The following ITPRID1 variants were observed in gnomAD, a reference collection of about 807,000 sequenced individuals.
The protein encoded by ITPRID1 is protein ITPRID1.
A neutral mutation model predicts 95.4 loss-of-function variants in ITPRID1; 96 were observed. The ratio of observed to expected loss-of-function variants is 1.01; its 90% CI spans 0.85 to 1.19. ITPRID1 has a LOEUF of 1.19. Ranked by LOEUF, ITPRID1 falls within the 50% of genes most tolerant of loss-of-function variation. ITPRID1 has a pLI of 0.00. For synonymous variants in ITPRID1, 510 were observed against 453.6 expected (o/e 1.12, Z -1.58); for missense variants, 1,339 against 1,252.9 (o/e 1.07, Z -1.04).
intron 10 of ITPRID1, among the ~76,000 whole-genome samples, chr7:31,621,660 A>G (rs1164601769): frequency 6.7e-6 from 1 of 148,394 alleles, no homozygotes; most frequent in Non-Finnish European, 1.5e-5. Context: ...TCATGCCAAA[A>G]TGTAAAGACC....
chr7:31,567,323 G>A (rs200032170), intron 5 of ITPRID1, among the ~76,000 whole-genome samples: 1 of 152,060 alleles, frequency 6.6e-6, no homozygotes, highest in African/African-American at 2.4e-5. Context: ...AAGTTTATAT[G>A]TACCCCATCT....
rs1243390739 is a variant in ITPRID1 at position 31,647,655 on chromosome 7, CAG to C, written c.2584-3480_2584-3479del. On this transcript the variant is annotated intron_variant, in intron 12 of 14. Coordinates refer to ENST00000615280, the MANE Select transcript of ITPRID1 (RefSeq NM_001257967.3). ...TGCCACTGCACTCCAGCCTGAGCAA[CAG>C]AGAGAGTCTCCGTCTCAAAAAAAAA... 4.2e-4 allele frequency among the ~76,000 whole-genome samples: 49 copies of C among 115,726 alleles called. 2 individuals are homozygous for C. Among genetic ancestry groups the C allele is most frequent in the African/African-American group, 1.6e-3 (45 of 27,676 alleles). The allele number at this position is 115,726 out of a possible 152,430, so 75.9% of individuals were successfully genotyped here.
At chr7:31,624,060 A>G (rs1202318403) in intron 10 of ITPRID1, among the ~76,000 whole-genome samples, 8 of 151,092 alleles carry the variant, frequency 5.3e-5, no homozygotes, top group Non-Finnish European at 8.8e-5. Flanking sequence ...AATCCACCTT[A>G]CAAGGGATGT....
At chr7:31,569,708 C>T (rs746466258) in intron 5 of ITPRID1, 50 bp from the exon 6 acceptor site, 64 of 1,509,210 alleles carry the variant, frequency 4.2e-5, no homozygotes, top group East Asian at 1.7e-4. Context: ...GAAAATCTTC[C>T]GCAAGATAAA....
At chr7:31,560,099 G>T (rs1784576366) in intron 5 of ITPRID1, among the ~76,000 whole-genome samples, 2 of 152,192 alleles carry the variant, frequency 1.3e-5, no homozygotes, top group South Asian at 2.1e-4. Flanking sequence ...CATTTCAGCA[G>T]CTACCTGAAA....
At chr7:31,561,167 G>T (rs1348263236) in intron 5 of ITPRID1, among the ~76,000 whole-genome samples, 1 of 152,178 alleles carries the variant, frequency 6.6e-6, no homozygotes, top group East Asian at 1.9e-4. Context: ...AAGTGGGAAT[G>T]ATAGTAGAAG....
chr7:31,555,054 A>T, intron 5 of ITPRID1, 153 bp downstream of exon 5: 1 of 616,326 alleles, frequency 1.6e-6, no homozygotes, highest in Non-Finnish European at 2.9e-6. Flanking sequence ...TTCATTTGAC[A>T]TATGACTGCG....
intron 1 of ITPRID1, among the ~76,000 whole-genome samples, chr7:31,529,986 A>G (rs1783544158): frequency 6.6e-6 from 1 of 152,130 alleles, no homozygotes; most frequent in South Asian, 2.1e-4. Flanking sequence ...ATTCCTAGGA[A>G]GAAAAACTAT....
intron 8 of ITPRID1, among the ~76,000 whole-genome samples, chr7:31,577,203 G>A (rs1245962708): frequency 3.9e-5 from 6 of 152,202 alleles, no homozygotes; most frequent in Admixed American, 3.9e-4. Flanking sequence ...TACTTACATG[G>A]CATCGTGTCT....
intron 5 of ITPRID1, among the ~76,000 whole-genome samples, chr7:31,567,684 C>T (rs1185614407): frequency 6.6e-6 from 1 of 152,050 alleles, no homozygotes; most frequent in Non-Finnish European, 1.5e-5. Context: ...CGGGTTCACA[C>T]CATTCTCCTG....
Position 31,655,209 on chromosome 7 carries a change from C to G in ITPRID1, c.*2380C>G, listed in dbSNP as rs27330. On this transcript the variant is annotated 3_prime_UTR_variant, in exon 15 of 15. Coordinates refer to ENST00000615280, the MANE Select transcript of ITPRID1 (RefSeq NM_001257967.3). Reference sequence around the variant, plus strand: ...TCATTGCCCCAACTCAGTTCATCTTCCTGATCCTCTCTGTCAGTGGCACAG... The same window carrying G: ...TCATTGCCCCAACTCAGTTCATCTTGCTGATCCTCTCTGTCAGTGGCACAG... 6.6e-6 allele frequency among the ~76,000 whole-genome samples: 1 copy of G among 152,070 alleles called. No individual in the cohort carries two copies. Among genetic ancestry groups the G allele is most frequent in the Non-Finnish European group, 1.5e-5 (1 of 68,008 alleles).
intron 10 of ITPRID1, among the ~76,000 whole-genome samples, chr7:31,604,865 G>T (rs1455572499): frequency 6.6e-6 from 1 of 152,202 alleles, no homozygotes; most frequent in Non-Finnish European, 1.5e-5. Context: ...GCCAGGCAGG[G>T]TGCCTCATGC....
chr7:31,629,897 A>G (rs1373234623), intron 10 of ITPRID1, among the ~76,000 whole-genome samples: 2 of 152,240 alleles, frequency 1.3e-5, no homozygotes, highest in Non-Finnish European at 2.9e-5. Flanking sequence ...GTCTTGCTTA[A>G]AAGGACAGGT....
chr7:31,526,305 G>C (rs559649200), intron 1 of ITPRID1, among the ~76,000 whole-genome samples: 49 of 152,280 alleles, frequency 3.2e-4, no homozygotes, highest in African/African-American at 1.1e-3. Flanking sequence ...CTTATGATGG[G>C]TTTATTGGGG....
intron 1 of ITPRID1, among the ~76,000 whole-genome samples, chr7:31,547,201 G>A (rs1022678656): frequency 1.3e-5 from 2 of 152,168 alleles, no homozygotes; most frequent in Admixed American, 6.6e-5. Flanking sequence ...GTGAAACTGC[G>A]AGTTCTGGCT....
chr7:31,638,157 G>T (rs1213644300), intron 10 of ITPRID1, among the ~76,000 whole-genome samples: 1 of 152,170 alleles, frequency 6.6e-6, no homozygotes, highest in Non-Finnish European at 1.5e-5. Context: ...GAATCATCAT[G>T]AATTTTGTAC....
At chr7:31,657,377 A>G (rs750183233), downstream of ITPRID1, among the ~76,000 whole-genome samples, 8 of 152,234 alleles carry the variant, frequency 5.3e-5, no homozygotes, top group Non-Finnish European at 1.0e-4. Context: ...TTATACATTG[A>G]ACATTAGCAG....
chr7:31,614,869 T>C (rs1024691), intron 10 of ITPRID1, among the ~76,000 whole-genome samples: 18,347 of 152,028 alleles, frequency 0.12, 1,255 homozygotes, highest in Middle Eastern at 0.17. Context: ...GGGGCCCCAT[T>C]TATATTTTTT....
chr7:31,555,730 A>G lies in ITPRID1; in HGVS notation c.256+829A>G, dbSNP rs551564396. ...GGTTAGATGAAAAAATTATTAGTCTAATAGTCACTTACTTTGCTGGTTTTA... is the reference window on the plus strand; with the variant it reads ...GGTTAGATGAAAAAATTATTAGTCTGATAGTCACTTACTTTGCTGGTTTTA... On this transcript the variant is annotated intron_variant, in intron 5 of 14. Transcript: ENST00000615280. Among the ~76,000 whole-genome samples, 43 of 152,320 alleles carry G rather than the reference A, an allele frequency of 2.8e-4. No individual in the cohort carries two copies. The South Asian group carries it at 8.9e-3, about 32-fold the overall frequency.
Sources: gnomAD v4.1 joint callset for allele counts (sites outside exome capture counted in the v4.1 genomes callset) on GRCh38, gnomAD v4.1.1 for gene constraint, MANE v1.5 for transcripts, NCBI Gene and HGNC (gene_info 2026-07-23, HGNC 2026-07-21) for gene names.